ZNF276: variants seen among roughly 807,000 people sequenced by gnomAD.
ZNF276 encodes the protein centromere protein Z.
Under a neutral mutation model 63.9 loss-of-function variants are expected in ZNF276, and 59 were observed. The ratio of observed to expected loss-of-function variants is 0.92; its 90% CI spans 0.75 to 1.15. The LOEUF is 1.15. Among genes scored for constraint, ZNF276 ranks in the 50% most tolerant of loss-of-function variants. ZNF276 has a pLI of 0.00. For missense variants in ZNF276, 1,084 were observed against 843.8 expected, an observed-to-expected ratio of 1.28 and a Z score of -3.53; for synonymous variants, 496 against 348.4, an observed-to-expected ratio of 1.42 and a Z score of -4.72.
At chr16:89,724,319 C>T (rs181434614) in intron 4 of ZNF276, among the ~76,000 whole-genome samples, 9 of 152,348 alleles carry the variant, frequency 5.9e-5, no homozygotes, top group African/African-American at 9.6e-5. Context: ...GCTCTGTGCA[C>T]CTGTCCCCAC....
chr16:89,722,746 G>C lies in ZNF276; in HGVS notation c.421G>C (p.Ala141Pro). Reference protein sequence around the residue: ...LSPFVCKSCHAQFYQCHSLLK... With the variant: ...LSPFVCKSCHPQFYQCHSLLK... ...TCCGTTTGTCTGCAAGAGCTGCCAC[G>C]CCCAGTTCTACCAGTGCCACAGCCT... Residue 141 changes from alanine (A) to proline (P), a missense_variant, in exon 2 of 11, where the codon GCC becomes CCC. Ala to Pro is a conservative substitution (Grantham distance 27). Coordinates refer to ENST00000443381, the MANE Select transcript of ZNF276 (RefSeq NM_001113525.2). 1 of 1,611,594 alleles carries C rather than the reference G, an allele frequency of 6.2e-7. No individual in the cohort carries two copies. Among genetic ancestry groups the C allele is most frequent in the Non-Finnish European group, 8.5e-7 (1 of 1,180,024 alleles).
At position 89,739,292 on chromosome 16, in the gene ZNF276, A is replaced by C; in HGVS notation, c.*1046A>C. ...CTTCATGGAAGTAGGAGAGAAGACT[A>C]GAGGTAAAGACATAGTGACAAATGG... On this transcript the variant is annotated 3_prime_UTR_variant, in exon 11 of 11. Coordinates refer to ENST00000443381, the MANE Select transcript of ZNF276 (RefSeq NM_001113525.2). 1 of 1,614,102 alleles carries C rather than the reference A, an allele frequency of 6.2e-7. No homozygotes were observed.
In ZNF276 at chr16:89,734,043, G is replaced by A. The variant is rs765983288; in HGVS notation, c.1474+5G>A. On this transcript the variant is annotated splice_donor_5th_base_variant and intron_variant, in intron 9 of 10. Transcript: ENST00000443381. ...ACGTGAAGCTCATCCACACAGGTAC[G>A]CCTATCGCCAGTGTCGCCCACGCGG... is the stretch of plus-strand genomic sequence containing the variant. The A allele has an allele frequency of 1.3e-5, 21 of 1,612,918 alleles. No homozygotes were observed. The highest frequency in any genetic ancestry group is 4.4e-5 in the South Asian group (4 of 91,084).
chr16:89,735,675 A>G (rs1230388858), intron 9 of ZNF276, among the ~76,000 whole-genome samples: 1 of 152,126 alleles, frequency 6.6e-6, no homozygotes, highest in Non-Finnish European at 1.5e-5. Flanking sequence ...TTTTGACACC[A>G]GCCTGGGCAA....
intron 6 of ZNF276, among the ~76,000 whole-genome samples, chr16:89,729,778 C>G (rs903523533): frequency 2.0e-5 from 3 of 152,182 alleles, no homozygotes; most frequent in African/African-American, 2.4e-5. Flanking sequence ...TCACTGATGT[C>G]CATGGCCAGG....
At position 89,740,412 on chromosome 16, in the gene ZNF276, G is replaced by C; in HGVS notation, c.*2166G>C. ...CCCAACACTTTGGGAGGCCGAGGTCGGCGGATCACTGAGGCCAGTTCAAGA... is the reference window on the plus strand; with the variant it reads ...CCCAACACTTTGGGAGGCCGAGGTCCGCGGATCACTGAGGCCAGTTCAAGA... On this transcript the variant is annotated 3_prime_UTR_variant, in exon 11 of 11. Coordinates refer to ENST00000443381, the MANE Select transcript of ZNF276 (RefSeq NM_001113525.2). 2.1e-6 allele frequency: 1 copy of C among 470,768 alleles called. No homozygotes were observed. The highest frequency in any genetic ancestry group is 2.3e-5 in the South Asian group (1 of 42,642). 29.2% of individuals were successfully genotyped at this position (470,768 alleles called of 1,614,324 possible).
In ZNF276 at chr16:89,738,822, C is replaced by G; in HGVS notation, c.*576C>G. On this transcript the variant is annotated 3_prime_UTR_variant, in exon 11 of 11. Coordinates refer to ENST00000443381, the MANE Select transcript of ZNF276 (RefSeq NM_001113525.2). Reference sequence around the variant, plus strand: ...ATTGCCAGCCAGGCAGGCACATGGCCCAGGCAGCTGTCAATTCTCATGTCC... The same window carrying G: ...ATTGCCAGCCAGGCAGGCACATGGCGCAGGCAGCTGTCAATTCTCATGTCC... The G allele has an allele frequency of 1.2e-6, 2 of 1,614,044 alleles. No homozygotes were observed. Among genetic ancestry groups the G allele is most frequent in the Non-Finnish European group, 1.7e-6 (2 of 1,179,980 alleles).
rs758007567 is a variant in ZNF276, at chr16:89,729,331, C to A, written c.1169+13C>A. On this transcript the variant is annotated intron_variant, in intron 6 of 10. Transcript: ENST00000443381. ...ACCCAGAAAGGAAGTAAGTGGGCAG[C>A]CCGGGGTCTGCTGGAGGCATCCGTT... The A allele has an allele frequency of 1.1e-5, 18 of 1,613,386 alleles. No homozygotes were observed. Among genetic ancestry groups the A allele is most frequent in the Non-Finnish European group, 1.4e-5 (17 of 1,179,416 alleles).
rs138414698 is a variant in ZNF276 at position 89,737,828 on chromosome 16, C to T, written c.1497C>T (p.Asp499=). The T allele has an allele frequency of 6.0e-5, 97 of 1,614,196 alleles. No individual in the cohort carries two copies. Among genetic ancestry groups the T allele is most frequent in the African/African-American group, 8.0e-5 (6 of 75,052 alleles). Residue 499 remains aspartate (D), a synonymous_variant, in exon 10 of 11, where the codon GAC becomes GAT. Transcript: ENST00000443381. The part of the protein sequence containing the change: ...IHTEVRNYIC[D]ECGQTFKQRK... ...CAGAGGTGCGGAACTATATCTGTGA[C>T]GAATGTGGACAAACCTTCAAGCAGC...
chr16:89,726,896 G>A (rs2061487420), intron 4 of ZNF276, among the ~76,000 whole-genome samples: 1 of 150,210 alleles, frequency 6.7e-6, no homozygotes, highest in African/African-American at 2.5e-5. Flanking sequence ...CACCTGCATC[G>A]GCCTCCCAAA....
Position 89,740,273 on chromosome 16 carries a change from C to T in ZNF276, c.*2027C>T, listed in dbSNP as rs2062096208. ...ACTGGGCCTCTGGACAGAAGAGGCT[C>T]AGGTAGGAGGCCAGGGACTTCGAGC... On this transcript the variant is annotated 3_prime_UTR_variant, in exon 11 of 11. Transcript: ENST00000443381. The T allele has an allele frequency of 3.1e-6, 2 of 654,376 alleles. No homozygotes were observed. Among genetic ancestry groups the T allele is most frequent in the Non-Finnish European group, 2.8e-6 (1 of 362,002 alleles). 40.5% of individuals were successfully genotyped at this position (654,376 alleles called of 1,614,324 possible). A position where few individuals can be genotyped will look rare whatever the true frequency, so the allele number is the denominator to read the frequency against.
chr16:89,731,155 G>C (rs2061635654), intron 6 of ZNF276, among the ~76,000 whole-genome samples: 2 of 152,378 alleles, frequency 1.3e-5, no homozygotes, highest in South Asian at 2.1e-4. Context: ...CAGGCAGGCA[G>C]GGCAGGTGAG....
upstream of ZNF276, chr16:89,720,669 C>G: frequency 8.0e-7 from 1 of 1,254,658 alleles, no homozygotes; most frequent in Middle Eastern, 3.1e-4. Flanking sequence ...TCCCAAGTCT[C>G]CAGCCCGAGC....
chr16:89,722,644 TCC>T lies in ZNF276; in HGVS notation c.320_321del (p.Ser107CysfsTer182). 6.2e-7 allele frequency: 1 copy of T among 1,612,164 alleles called. No individual in the cohort carries two copies. The highest frequency in any genetic ancestry group is 8.5e-7 in the Non-Finnish European group (1 of 1,180,028). On this transcript the variant is annotated frameshift_variant, in exon 2 of 11. Coordinates refer to ENST00000443381, the MANE Select transcript of ZNF276 (RefSeq NM_001113525.2). LOFTEE classifies it high-confidence loss of function. ...GCCTGGAGCGAGCATGGAGAGGCCA[TCC>T]GCAGAGGAGCGCGTGCTCGTACGGG... ...RAPGASMERP[S>X]AEERVLVRDF...
chr16:89,735,882 T>G (rs565989500), intron 9 of ZNF276, among the ~76,000 whole-genome samples: 61 of 94,782 alleles, frequency 6.4e-4, no homozygotes, highest in African/African-American at 2.4e-3. Context: ...GCCGGGGGTG[T>G]TTTTTTTTGT....
upstream of ZNF276, chr16:89,720,486 C>G (rs537729421): frequency 4.4e-5 from 49 of 1,115,530 alleles, no homozygotes; most frequent in Non-Finnish European, 5.1e-5. Flanking sequence ...GCGGACCCTC[C>G]TGCTACATCT....
upstream of ZNF276, chr16:89,721,312 G>A (rs2061261877): frequency 3.7e-6 from 1 of 272,338 alleles, no homozygotes; most frequent in Admixed American, 5.4e-5. Flanking sequence ...CCTCTCCCTG[G>A]AGGACTCGTC....
rs1182819035 is a variant in ZNF276 at position 89,740,214 on chromosome 16, A to G, written c.*1968A>G. ...TTCCTCTTTGCTTATTGTAAGTCTT[A>G]AAACTGGTGACAGTTTTACCTATAG... On this transcript the variant is annotated 3_prime_UTR_variant, in exon 11 of 11. Coordinates refer to ENST00000443381, the MANE Select transcript of ZNF276 (RefSeq NM_001113525.2). 1.8e-5 allele frequency: 16 copies of G among 885,578 alleles called. No homozygotes were observed. Among genetic ancestry groups the G allele is most frequent in the Admixed American group, 7.0e-5 (4 of 57,378 alleles). 54.9% of individuals were successfully genotyped at this position (885,578 alleles called of 1,614,324 possible). A position where few individuals can be genotyped will look rare whatever the true frequency, so the allele number is the denominator to read the frequency against.
rs2062032155 is a variant in ZNF276 at position 89,738,712 on chromosome 16, T to A, written c.*466T>A. 9 of 1,613,676 alleles carry A rather than the reference T, an allele frequency of 5.6e-6. No homozygotes were observed. The highest frequency in any genetic ancestry group is 1.7e-5 in the Admixed American group (1 of 59,980). On this transcript the variant is annotated 3_prime_UTR_variant, in exon 11 of 11. Transcript: ENST00000443381. Reference sequence around the variant, plus strand: ...AGTCCCCACGATCAGCCAGCAGCTGTGAGAGAGGAGCAGGTCCTCAGCCCA... The same window carrying A: ...AGTCCCCACGATCAGCCAGCAGCTGAGAGAGAGGAGCAGGTCCTCAGCCCA...
Sources: allele counts gnomAD v4.1 joint callset (sites outside exome capture counted in the v4.1 genomes callset), GRCh38; gene constraint gnomAD v4.1.1; transcripts MANE v1.5; gene names NCBI Gene and HGNC (gene_info 2026-07-23, HGNC 2026-07-21).